Variants in DLG2 observed in about 807,000 individuals in gnomAD.
DLG2 encodes the protein disks large homolog 2.
Under a neutral mutation model 132.5 loss-of-function variants are expected in DLG2, and 45 were observed. That is an observed-to-expected ratio of 0.34 (90% CI 0.27 to 0.44). DLG2 has a LOEUF of 0.44. Ranked by LOEUF, DLG2 falls within the 20% of genes least tolerant of loss-of-function variation. DLG2 has a pLI of 1.00. For missense variants in DLG2, 1,045 were observed against 1,196.9 expected, an observed-to-expected ratio of 0.87 and a Z score of 1.87; for synonymous variants, 424 against 419.6, an observed-to-expected ratio of 1.01 and a Z score of -0.13.
intron 2 of DLG2, among the ~76,000 whole-genome samples, chr11:85,619,395 T>A (rs1247033360): frequency 6.6e-6 from 1 of 152,124 alleles, no homozygotes; most frequent in Non-Finnish European, 1.5e-5. Flanking sequence ...TAGTAAATTG[T>A]CTATTTTACT....
At chr11:85,020,642 T>C (rs2059972398) in intron 6 of DLG2, 1 of 389,438 alleles carries the variant, frequency 2.6e-6, no homozygotes, top group South Asian at 2.0e-5. Context: ...TACTGATCTT[T>C]GACAAACCTG....
chr11:83,831,138 T>C (rs1159852244), intron 17 of DLG2, among the ~76,000 whole-genome samples: 1 of 152,182 alleles, frequency 6.6e-6, no homozygotes, highest in South Asian at 2.1e-4. Flanking sequence ...TATAAAATCA[T>C]ATAAGATAGA....
At chr11:83,789,928 T>G (rs2041082782) in intron 17 of DLG2, 1 of 1,029,818 alleles carries the variant, frequency 9.7e-7, no homozygotes, top group Non-Finnish European at 1.3e-6. Context: ...TTCAATCTCT[T>G]TTTCTTATTC....
intron 19 of DLG2, among the ~76,000 whole-genome samples, chr11:83,579,660 A>T (rs1311711297): frequency 6.6e-6 from 1 of 152,126 alleles, no homozygotes; most frequent in Non-Finnish European, 1.5e-5. Context: ...AATTTGAAAA[A>T]AAATAAATAA....
At chr11:83,731,895 TA>T (rs533145304) in intron 18 of DLG2, among the ~76,000 whole-genome samples, 261 of 152,356 alleles carry the variant, frequency 1.7e-3, no homozygotes, top group African/African-American at 6.1e-3. Context: ...CAGAAAGGGT[TA>T]TCATTAAATT....
At chr11:83,546,100 T>G (rs539766067) in intron 19 of DLG2, among the ~76,000 whole-genome samples, 4 of 152,228 alleles carry the variant, frequency 2.6e-5, no homozygotes, top group Non-Finnish European at 5.9e-5. Context: ...CTCCTGAATT[T>G]CAATGTGTGG....
At chr11:84,700,335 A>G (rs1003423070) in intron 6 of DLG2, among the ~76,000 whole-genome samples, 1 of 151,654 alleles carries the variant, frequency 6.6e-6, no homozygotes, top group African/African-American at 2.4e-5. Flanking sequence ...AGTGCAAAAA[A>G]AAAATGAACA....
chr11:84,131,829 T>C (rs192457329), intron 9 of DLG2, among the ~76,000 whole-genome samples: 30 of 152,134 alleles, frequency 2.0e-4, no homozygotes, highest in African/African-American at 7.0e-4. Flanking sequence ...TCTTTTGTGA[T>C]TTTTCAAAAT....
chr11:84,808,782 T>C (rs910075769), intron 6 of DLG2, among the ~76,000 whole-genome samples: 1 of 151,892 alleles, frequency 6.6e-6, no homozygotes, highest in African/African-American at 2.4e-5. Context: ...AATAGCTCCA[T>C]TACCTTTAAA....
At chr11:85,275,906 C>A (rs1231528973) in intron 4 of DLG2, among the ~76,000 whole-genome samples, 3 of 150,096 alleles carry the variant, frequency 2.0e-5, no homozygotes, top group Non-Finnish European at 3.0e-5. Context: ...CGAAGCTCCC[C>A]AAGGGAAAAA....
intron 19 of DLG2, among the ~76,000 whole-genome samples, chr11:83,627,699 C>T (rs1199332043): frequency 2.0e-5 from 3 of 152,148 alleles, no homozygotes; most frequent in African/African-American, 7.2e-5. Context: ...TTTATAGCAG[C>T]ATGATTTATA....
intron 17 of DLG2, among the ~76,000 whole-genome samples, chr11:83,798,592 T>C (rs1045194867): frequency 4.6e-5 from 7 of 152,154 alleles, no homozygotes; most frequent in African/African-American, 1.7e-4. Flanking sequence ...GGCTAGATAA[T>C]TGGCACCACA....
At chr11:85,188,999 C>T (rs1349540751) in intron 4 of DLG2, among the ~76,000 whole-genome samples, 1 of 151,908 alleles carries the variant, frequency 6.6e-6, no homozygotes, top group East Asian at 1.9e-4. Flanking sequence ...CTGAACAAAA[C>T]CAGAATAGAA....
intron 6 of DLG2, among the ~76,000 whole-genome samples, chr11:84,901,928 C>G (rs1352824354): frequency 6.6e-6 from 1 of 151,962 alleles, no homozygotes; most frequent in East Asian, 1.9e-4. Flanking sequence ...GTTTGCAACA[C>G]TAAATTCAAA....
chr11:84,973,392 C>A (rs1434905604), intron 6 of DLG2, among the ~76,000 whole-genome samples: 2 of 152,152 alleles, frequency 1.3e-5, no homozygotes, highest in African/African-American at 4.8e-5. Flanking sequence ...CAAATGGCTT[C>A]TTATGTTCCT....
chr11:84,722,675 T>C (rs1485783203), intron 6 of DLG2, among the ~76,000 whole-genome samples: 1 of 152,184 alleles, frequency 6.6e-6, no homozygotes, highest in Non-Finnish European at 1.5e-5. Flanking sequence ...AAGTCCTCTT[T>C]ATGAAATAAG....
intron 10 of DLG2, among the ~76,000 whole-genome samples, chr11:84,095,326 C>T (rs977574181): frequency 4.6e-5 from 7 of 152,160 alleles, no homozygotes; most frequent in African/African-American, 1.7e-4. Context: ...CAGAACATCT[C>T]AGTGAAGTAG....
chr11:83,718,447 C>A lies in DLG2; in HGVS notation c.1825+68243G>T, dbSNP rs530707970. ...GTTGAGGCAGGAGAATTGCTTGAAC[C>A]TGGGAGGCGGAGCTTGCAGTGGGCC... On this transcript the variant is annotated intron_variant, in intron 18 of 27. Coordinates refer to ENST00000376104, the MANE Select transcript of DLG2 (RefSeq NM_001142699.3). 4.2e-5 allele frequency among the ~76,000 whole-genome samples: 6 copies of A among 143,266 alleles called. No individual in the cohort carries two copies. The South Asian group carries it at 1.4e-3, about 33-fold the overall frequency. 94.0% of individuals were successfully genotyped at this position (143,266 alleles called of 152,430 possible). A position where few individuals can be genotyped will look rare whatever the true frequency, so the allele number is the denominator to read the frequency against.
At chr11:84,207,613 C>T (rs1404759426) in intron 8 of DLG2, among the ~76,000 whole-genome samples, 1 of 152,130 alleles carries the variant, frequency 6.6e-6, no homozygotes, top group East Asian at 1.9e-4. Flanking sequence ...TTGACATCTT[C>T]CTCACATCAT....
Sources: gnomAD v4.1 joint callset for allele counts (sites outside exome capture counted in the v4.1 genomes callset) on GRCh38, gnomAD v4.1.1 for gene constraint, MANE v1.5 for transcripts, NCBI Gene and HGNC (gene_info 2026-07-23, HGNC 2026-07-21) for gene names.